MMUT: variants seen among roughly 807,000 people sequenced by gnomAD.
The protein encoded by MMUT is methylmalonyl-CoA mutase, mitochondrial.
In MMUT, 79 loss-of-function variants were observed where a neutral mutation model predicts 79.9. That is an observed-to-expected ratio of 0.99 (90% CI 0.82 to 1.19). The LOEUF (loss-of-function observed/expected upper bound fraction) is 1.19. Ranked by LOEUF, MMUT falls within the 50% of genes most tolerant of loss-of-function variation. The probability of loss-of-function intolerance (pLI) is 0.00; values close to 1 mark genes in which losing one functional copy is unlikely to be tolerated. For missense variants in MMUT, 860 were observed against 917.2 expected (o/e 0.94, Z 0.81); for synonymous variants, 273 against 295.7 (o/e 0.92, Z 0.79).
At chr6:49,431,906 C>T (rs535456138) in intron 12 of MMUT, 50 bp from the exon 13 acceptor site, 20 of 1,580,492 alleles carry the variant, frequency 1.3e-5, no homozygotes, top group South Asian at 6.7e-5. Context: ...TCCATTTTCA[C>T]GGAAATAAAA....
At position 49,451,652 on chromosome 6, in the gene MMUT, A is replaced by T. The variant is rs2127417956; in HGVS notation, c.1146T>A (p.Thr382=). 1 of 1,614,100 alleles carries T rather than the reference A, an allele frequency of 6.2e-7. No homozygotes were observed. The highest frequency in any genetic ancestry group is 1.7e-4 in the Middle Eastern group (1 of 6,058). ...CAAAAGAATTTGTGTGCAAAGACTG[A>T]GTCCCTCCAAATACTGCTGCCATTG... ...IEAMAAVFGG[T]QSLHTNSFDE... The change falls in exon 6 of 13, where the codon ACT becomes ACA. Residue 382 remains threonine, a synonymous_variant. Coordinates refer to ENST00000274813, the MANE Select transcript of MMUT (RefSeq NM_000255.4).
chr6:49,442,917 C>T (rs1427597262), intron 9 of MMUT, among the ~76,000 whole-genome samples: 1 of 151,670 alleles, frequency 6.6e-6, no homozygotes, highest in Non-Finnish European at 1.5e-5. Context: ...GAATGGGCAA[C>T]CATCAAAGGA....
chr6:49,443,874 T>C (rs1448233050), intron 9 of MMUT: 1 of 389,264 alleles, frequency 2.6e-6, no homozygotes, highest in East Asian at 8.5e-5. Flanking sequence ...AAATGCAGGA[T>C]GACAAAAGTT....
At chr6:49,459,622 C>T (rs560025846) in intron 1 of MMUT, 117 bp from the exon 2 acceptor site, 1 of 819,438 alleles carries the variant, frequency 1.2e-6, no homozygotes, top group Non-Finnish European at 1.9e-6. Context: ...ATTTCTTCCC[C>T]TTTTCTGCTT....
At chr6:49,445,515 A>T (rs993590622) in intron 8 of MMUT, among the ~76,000 whole-genome samples, 2 of 152,026 alleles carry the variant, frequency 1.3e-5, no homozygotes, top group Admixed American at 1.3e-4. Context: ...CCCACTGCCC[A>T]CCCTATCCAC....
chr6:49,458,204 C>T, intron 2 of MMUT, 146 bp from the exon 3 acceptor site: 2 of 803,968 alleles, frequency 2.5e-6, no homozygotes, highest in Non-Finnish European at 3.8e-6. Flanking sequence ...CATGTCAAAA[C>T]CAACTTAAAT....
At chr6:49,443,753 C>T (rs749211820) in intron 9 of MMUT, 1 of 426,660 alleles carries the variant, frequency 2.3e-6, no homozygotes. Flanking sequence ...TCACAAAAAT[C>T]CTATTAGGTA....
At chr6:49,451,388 A>G in intron 6 of MMUT, 78 bp downstream of exon 6, 1 of 1,458,438 alleles carries the variant, frequency 6.9e-7, no homozygotes, top group South Asian at 1.3e-5. Flanking sequence ...ATAAATCTTG[A>G]CTTGTAAGTT....
intron 5 of MMUT, among the ~76,000 whole-genome samples, chr6:49,452,307 A>G (rs1767574181): frequency 6.6e-6 from 1 of 151,974 alleles, no homozygotes; most frequent in Non-Finnish European, 1.5e-5. Context: ...TTATTTCTCC[A>G]TGTATTTATT....
chr6:49,436,935 G>A (rs1767147020), intron 11 of MMUT, among the ~76,000 whole-genome samples: 1 of 151,870 alleles, frequency 6.6e-6, no homozygotes, highest in East Asian at 1.9e-4. Context: ...CACACACTGG[G>A]GCCTATCAGA....
intron 9 of MMUT, among the ~76,000 whole-genome samples, chr6:49,443,548 T>C (rs1767333525): frequency 1.3e-5 from 2 of 152,096 alleles, no homozygotes; most frequent in African/African-American, 4.8e-5. Context: ...CACCCCACTA[T>C]ACAGGATAAC....
intron 1 of MMUT, among the ~76,000 whole-genome samples, chr6:49,461,083 T>C (rs1293475861): frequency 1.3e-5 from 2 of 152,180 alleles, no homozygotes; most frequent in Non-Finnish European, 2.9e-5. Flanking sequence ...TTACAGCATA[T>C]ACAAATGATA....
At chr6:49,450,972 G>T (rs1767536530) in intron 6 of MMUT, among the ~76,000 whole-genome samples, 1 of 152,112 alleles carries the variant, frequency 6.6e-6, no homozygotes, top group Admixed American at 6.5e-5. Context: ...AGTAAGGGAG[G>T]AGGAAAAGTA....
chr6:49,438,177 A>G (rs913378216), intron 11 of MMUT, among the ~76,000 whole-genome samples: 2 of 152,184 alleles, frequency 1.3e-5, no homozygotes, highest in African/African-American at 4.8e-5. Context: ...CATATGTAGT[A>G]GAGAAGGCTT....
chr6:49,454,318 C>CT (rs948303356), intron 4 of MMUT, among the ~76,000 whole-genome samples: 55 of 152,168 alleles, frequency 3.6e-4, no homozygotes, highest in Non-Finnish European at 2.1e-4. Context: ...TTTGGAAGTT[C>CT]TTTTTTTGAG....
At position 49,433,266 on chromosome 6, in the gene MMUT, A is replaced by C. The variant is rs569922064; in HGVS notation, c.2125-1410T>G. On this transcript the variant is annotated intron_variant, in intron 12 of 12. Coordinates refer to ENST00000274813, the MANE Select transcript of MMUT (RefSeq NM_000255.4). Reference sequence around the variant, plus strand: ...TCTTGTACTTCTCTCCTTCCTAAAAATCCCATGTACCATTTGTCCTGACAT... The same window carrying C: ...TCTTGTACTTCTCTCCTTCCTAAAACTCCCATGTACCATTTGTCCTGACAT... Among the ~76,000 whole-genome samples, 11 of 152,294 alleles carry C rather than the reference A, an allele frequency of 7.2e-5. No homozygotes were observed. In the South Asian group the frequency reaches 2.3e-3, roughly 32 times the overall value.
At chr6:49,448,178 C>A (rs928573588) in intron 7 of MMUT, among the ~76,000 whole-genome samples, 3 of 151,920 alleles carry the variant, frequency 2.0e-5, no homozygotes, top group Non-Finnish European at 2.9e-5. Flanking sequence ...AAAAAGAACC[C>A]TTCTATAATC....
In MMUT at chr6:49,451,493, T is replaced by A. The variant is rs372277433; in HGVS notation, c.1305A>T (p.Thr435=). 19 of 1,613,994 alleles carry A rather than the reference T, an allele frequency of 1.2e-5. No homozygotes were observed. The highest frequency in any genetic ancestry group is 5.0e-5 in the Admixed American group (3 of 59,988). ...TTAAAGCAGCATCATAAACATCATT[T>A]GTGAGACATTCCATCATGTAAGAAC... The part of the protein sequence containing the change: ...WGGSYMMECL[T]NDVYDAALKL... Residue 435 remains threonine (T), a synonymous_variant, in exon 6 of 13, where the codon ACA becomes ACT. Coordinates refer to ENST00000274813, the MANE Select transcript of MMUT (RefSeq NM_000255.4).
At chr6:49,461,637 C>T (rs892265226) in intron 1 of MMUT, among the ~76,000 whole-genome samples, 1 of 152,006 alleles carries the variant, frequency 6.6e-6, no homozygotes, top group African/African-American at 2.4e-5. Flanking sequence ...GGCATGGTGG[C>T]GCACACCAGT....
Sources: allele counts gnomAD v4.1 joint callset (sites outside exome capture counted in the v4.1 genomes callset), GRCh38; gene constraint gnomAD v4.1.1; transcripts MANE v1.5; gene names NCBI Gene and HGNC (gene_info 2026-07-23, HGNC 2026-07-21).